The following PACRG variants were observed in gnomAD, a reference collection of about 807,000 sequenced individuals.
PACRG encodes the protein parkin coregulated, also known as parkin coregulated gene protein.
A neutral mutation model predicts 29.7 loss-of-function variants in PACRG; 29 were observed. The observed-to-expected ratio is 0.98, with a 90% CI of 0.73 to 1.33. The LOEUF is 1.33. Among genes scored for constraint, PACRG ranks in the 40% most tolerant of loss-of-function variants. The pLI, the probability that PACRG is intolerant of heterozygous loss-of-function variation, is 0.00. For synonymous variants in PACRG, 116 were observed against 118.7 expected (o/e 0.98, Z 0.15); for missense variants, 279 against 316.2 (o/e 0.88, Z 0.89).
intron 1 of PACRG, among the ~76,000 whole-genome samples, chr6:162,755,277 T>C (rs1296806230): frequency 6.6e-6 from 1 of 152,198 alleles, no homozygotes; most frequent in Non-Finnish European, 1.5e-5. Context: ...TTTTAGTTTC[T>C]AATTTGTTTA....
intron 4 of PACRG, among the ~76,000 whole-genome samples, chr6:163,131,232 C>T (rs780800926): frequency 3.2e-4 from 48 of 148,382 alleles, no homozygotes; most frequent in Non-Finnish European, 5.6e-4. Context: ...GGCGTGAACC[C>T]GGGAGGCGTA....
At chr6:162,969,840 G>A (rs1304125956) in intron 2 of PACRG, among the ~76,000 whole-genome samples, 1 of 152,144 alleles carries the variant, frequency 6.6e-6, no homozygotes, top group Non-Finnish European at 1.5e-5. Flanking sequence ...ATTATGATGA[G>A]TGTTATTCAT....
At chr6:163,231,363 G>A (rs886677823) in intron 4 of PACRG, among the ~76,000 whole-genome samples, 4 of 152,136 alleles carry the variant, frequency 2.6e-5, no homozygotes, top group African/African-American at 4.8e-5. Flanking sequence ...CATCCTGCTC[G>A]AACATGGCCA....
intron 4 of PACRG, among the ~76,000 whole-genome samples, chr6:163,130,335 A>G (rs745763330): frequency 3.0e-4 from 46 of 152,270 alleles, no homozygotes; most frequent in Middle Eastern, 3.4e-3. Context: ...CTGGTCTTCT[A>G]TGCCCAACGT....
intron 4 of PACRG, among the ~76,000 whole-genome samples, chr6:163,116,326 C>T (rs893886912): frequency 2.6e-5 from 4 of 152,158 alleles, no homozygotes; most frequent in African/African-American, 7.2e-5. Flanking sequence ...CATACACTAT[C>T]GTGAGGACAG....
chr6:162,935,007 A>T (rs756724692), intron 2 of PACRG, among the ~76,000 whole-genome samples: 4 of 152,172 alleles, frequency 2.6e-5, no homozygotes, highest in Non-Finnish European at 5.9e-5. Context: ...TGAAGATATC[A>T]TCCTGTTCTC....
chr6:162,949,526 A>C (rs939371054), intron 2 of PACRG, among the ~76,000 whole-genome samples: 4 of 152,230 alleles, frequency 2.6e-5, no homozygotes, highest in African/African-American at 9.6e-5. Flanking sequence ...CTCAACTCAT[A>C]GAAATGATGT....
intron 2 of PACRG, among the ~76,000 whole-genome samples, chr6:162,999,743 AT>A (rs1210057827): frequency 3.3e-5 from 5 of 152,096 alleles, no homozygotes; most frequent in African/African-American, 1.2e-4. Flanking sequence ...TACATGACTC[AT>A]TTTCTTGTGA....
chr6:162,945,450 G>A (rs753390791), intron 2 of PACRG, among the ~76,000 whole-genome samples: 16 of 152,026 alleles, frequency 1.1e-4, no homozygotes, highest in Non-Finnish European at 1.6e-4. Flanking sequence ...AACAAGAGGG[G>A]TAACAATTTT....
intron 2 of PACRG, among the ~76,000 whole-genome samples, chr6:162,969,333 C>T (rs975630863): frequency 2.6e-5 from 4 of 152,054 alleles, no homozygotes; most frequent in Non-Finnish European, 5.9e-5. Flanking sequence ...ATGTTATCAT[C>T]TCCAAACATA....
intron 4 of PACRG, among the ~76,000 whole-genome samples, chr6:163,254,731 C>G (rs554161423): frequency 6.6e-6 from 1 of 152,362 alleles, no homozygotes; most frequent in South Asian, 2.1e-4. Flanking sequence ...CATTGCCACT[C>G]TGCCCAGAAG....
At chr6:162,914,573 T>A (rs1429845751) in intron 2 of PACRG, among the ~76,000 whole-genome samples, 1 of 144,600 alleles carries the variant, frequency 6.9e-6, no homozygotes. Context: ...GACTATAAAT[T>A]TAAAAAATCA....
Position 163,031,946 on chromosome 6 carries a change from G to A in PACRG, c.292-30204G>A, listed in dbSNP as rs555144114. 5.3e-5 allele frequency among the ~76,000 whole-genome samples: 8 copies of A among 152,272 alleles called. No individual in the cohort carries two copies. The East Asian group carries it at 5.8e-4, about 11-fold the overall frequency. On this transcript the variant is annotated intron_variant, in intron 2 of 4. Coordinates refer to ENST00000366888, the MANE Select transcript of PACRG (RefSeq NM_001080379.2). ...ACAAGTCAAGTTTGACTCCTTAAAC[G>A]AATGCAAACTATTCCAGTCAAAGCC...
intron 2 of PACRG, chr6:163,051,836 G>A (rs560764891): frequency 1.3e-5 from 2 of 152,286 alleles, no homozygotes; most frequent in Non-Finnish European, 2.9e-5. Flanking sequence ...CCTGAGCTCA[G>A]CTTTGCATTG....
chr6:162,763,806 AC>A (rs1318725606), intron 1 of PACRG, among the ~76,000 whole-genome samples: 1 of 152,168 alleles, frequency 6.6e-6, no homozygotes. Flanking sequence ...TTTATAATTA[AC>A]CTTCAGTCGG....
chr6:163,122,235 G>T (rs1816313306), intron 4 of PACRG, among the ~76,000 whole-genome samples: 1 of 148,890 alleles, frequency 6.7e-6, no homozygotes, highest in African/African-American at 2.5e-5. Context: ...TGACTTGATA[G>T]ATTTCTGAGT....
At chr6:162,823,969 A>G (rs1346921366) in intron 2 of PACRG, among the ~76,000 whole-genome samples, 4 of 152,142 alleles carry the variant, frequency 2.6e-5, no homozygotes, top group African/African-American at 9.7e-5. Context: ...TGTTGGCCTA[A>G]AAGGGGACTT....
At chr6:163,181,966 G>A (rs1360092411) in intron 4 of PACRG, among the ~76,000 whole-genome samples, 6 of 152,186 alleles carry the variant, frequency 3.9e-5, no homozygotes, top group African/African-American at 7.2e-5. Context: ...CCTTTTGGAC[G>A]AGATCTGAAA....
intron 2 of PACRG, among the ~76,000 whole-genome samples, chr6:163,059,816 C>T (rs987343618): frequency 3.9e-5 from 6 of 152,142 alleles, no homozygotes; most frequent in African/African-American, 1.4e-4. Context: ...TCTGGCATCA[C>T]AAACATTGGT....
Sources: gnomAD v4.1 joint callset for allele counts (sites outside exome capture counted in the v4.1 genomes callset) on GRCh38, gnomAD v4.1.1 for gene constraint, MANE v1.5 for transcripts, NCBI Gene and HGNC (gene_info 2026-07-23, HGNC 2026-07-21) for gene names.